The following PTAFR variants were observed in gnomAD, a reference collection of about 807,000 sequenced individuals.
The protein encoded by PTAFR is platelet-activating factor receptor.
A neutral mutation model predicts 14.7 loss-of-function variants in PTAFR; 8 were observed. That is an observed-to-expected ratio of 0.54 (90% CI 0.32 to 0.98). The LOEUF (loss-of-function observed/expected upper bound fraction) is 0.98. PTAFR is among the 50% of genes least tolerant of loss of function. PTAFR has a pLI of 0.04. For missense variants in PTAFR, 337 were observed against 451.2 expected (o/e 0.75, Z 2.29); for synonymous variants, 156 against 176.5 (o/e 0.88, Z 0.92).
chr1:28,183,023 GT>G (rs1024354391), intron 1 of PTAFR, among the ~76,000 whole-genome samples: 1 of 151,142 alleles, frequency 6.6e-6, no homozygotes, highest in African/African-American at 2.4e-5. Flanking sequence ...TTTGCTGTTT[GT>G]TTTTTAAAGA....
chr1:28,175,349 A>G (rs1204440340), intron 1 of PTAFR, among the ~76,000 whole-genome samples: 2 of 152,116 alleles, frequency 1.3e-5, no homozygotes, highest in South Asian at 2.1e-4. Flanking sequence ...CCAGTCATCT[A>G]AGGGGCTGAA....
chr1:28,154,334 G>C (rs962535796), intron 1 of PTAFR, among the ~76,000 whole-genome samples: 3 of 152,164 alleles, frequency 2.0e-5, no homozygotes, highest in African/African-American at 4.8e-5. Flanking sequence ...ATCCAGCTCT[G>C]TTCTTTCACA....
At chr1:28,185,839 A>T (rs1646601881) in intron 1 of PTAFR, among the ~76,000 whole-genome samples, 1 of 152,230 alleles carries the variant, frequency 6.6e-6, no homozygotes, top group Non-Finnish European at 1.5e-5. Context: ...AGATTTCTGG[A>T]TATAAAACCA....
At chr1:28,189,126 T>G (rs1229409313) in intron 1 of PTAFR, among the ~76,000 whole-genome samples, 1 of 152,268 alleles carries the variant, frequency 6.6e-6, no homozygotes, top group Admixed American at 6.5e-5. Context: ...TGCCAGATGT[T>G]GTGCCAATTA....
At chr1:28,174,493 T>C (rs1646490879) in intron 1 of PTAFR, among the ~76,000 whole-genome samples, 1 of 152,190 alleles carries the variant, frequency 6.6e-6, no homozygotes, top group African/African-American at 2.4e-5. Context: ...TGTAGGCACA[T>C]TTTGTCACTG....
At chr1:28,167,540 T>C (rs1200770491) in intron 1 of PTAFR, among the ~76,000 whole-genome samples, 4 of 149,796 alleles carry the variant, frequency 2.7e-5, no homozygotes, top group Admixed American at 6.7e-5. Flanking sequence ...GAAAAGAGTA[T>C]AGAAGCTCCT....
chr1:28,184,693 T>C (rs551298166), intron 1 of PTAFR, among the ~76,000 whole-genome samples: 1 of 151,834 alleles, frequency 6.6e-6, no homozygotes, highest in South Asian at 2.1e-4. Flanking sequence ...AGGCTGGAGT[T>C]CAGTAGTGCA....
At chr1:28,184,737 TC>T (rs746228452) in intron 1 of PTAFR, among the ~76,000 whole-genome samples, 1 of 152,162 alleles carries the variant, frequency 6.6e-6, no homozygotes, top group Non-Finnish European at 1.5e-5. Context: ...CTTCCTGAGT[TC>T]CAGCGATTCT....
intron 1 of PTAFR, among the ~76,000 whole-genome samples, chr1:28,152,549 C>G (rs1207567486): frequency 6.6e-6 from 1 of 152,046 alleles, no homozygotes; most frequent in African/African-American, 2.4e-5. Flanking sequence ...TCGAGACCAG[C>G]CTGGCCAACA....
intron 1 of PTAFR, among the ~76,000 whole-genome samples, chr1:28,153,579 T>TA (rs1267430148): frequency 1.6e-5 from 1 of 64,192 alleles, no homozygotes; most frequent in African/African-American, 7.4e-5. Flanking sequence ...ACCCTGTCTC[T>TA]ACAAAAAAAA....
chr1:28,183,559 T>C (rs1288088817), intron 1 of PTAFR, among the ~76,000 whole-genome samples: 1 of 152,040 alleles, frequency 6.6e-6, no homozygotes, highest in Non-Finnish European at 1.5e-5. Context: ...GCCCAGCAGG[T>C]TGAGGGTGCA....
intron 1 of PTAFR, among the ~76,000 whole-genome samples, chr1:28,190,177 G>A (rs922278635): frequency 1.3e-5 from 2 of 150,718 alleles, no homozygotes; most frequent in African/African-American, 4.9e-5. Flanking sequence ...TCTCCATGTT[G>A]GTCACGCTGG....
chr1:28,150,540 A>C lies in PTAFR; in HGVS notation c.482T>G (p.Val161Gly), dbSNP rs768734431. 3.1e-6 allele frequency: 5 copies of C among 1,614,070 alleles called. No homozygotes were observed. The South Asian group carries it at 5.5e-5, about 18-fold the overall frequency. ...YFLILDSTNT[V>G]PDSAGSGNVT... ...GTTGCCTGAGCCAGCACTGTCGGGC[A>C]CTGTGTTGGTGGAGTCCAGGATGAG... Residue 161 changes from valine (V) to glycine (G), a missense_variant, in exon 2 of 2, where the codon GTG becomes GGG. Physicochemically the swap from Val to Gly is moderately radical, Grantham distance 109 (BLOSUM62 -3). Transcript: ENST00000373857. The surrounding 1 kb of genome is among the most constrained non-coding windows in gnomAD (Gnocchi z 6.3).
Position 28,147,705 on chromosome 1 carries a change from A to G in PTAFR, c.*2288T>C, listed in dbSNP as rs1572024309. 6.6e-6 allele frequency: 1 copy of G among 152,178 alleles called. No homozygotes were observed. Among genetic ancestry groups the G allele is most frequent in the African/African-American group, 2.4e-5 (1 of 41,424 alleles). The allele number at this position is 152,178 out of a possible 1,614,324, so 9.4% of individuals were successfully genotyped here. ...ACCTCTCATCCTTTCAGCTCCCATC[A>G]GAGGATCAAGGGGCCCAAATTCGCA... On this transcript the variant is annotated 3_prime_UTR_variant, in exon 2 of 2. Transcript: ENST00000373857.
intron 1 of PTAFR, among the ~76,000 whole-genome samples, chr1:28,165,262 G>T (rs980565227): frequency 2.0e-5 from 3 of 151,330 alleles, no homozygotes; most frequent in Non-Finnish European, 4.4e-5. Context: ...AAAATTAGCT[G>T]GGCGTGGTGG....
upstream of PTAFR, among the ~76,000 whole-genome samples, chr1:28,180,847 AAG>A (rs1163685206): frequency 2.6e-5 from 4 of 152,276 alleles, no homozygotes; most frequent in South Asian, 2.1e-4. Flanking sequence ...AGTAAAGAAA[AAG>A]AGAAGAAATA....
At chr1:28,168,620 G>T (rs940792510) in intron 1 of PTAFR, among the ~76,000 whole-genome samples, 9 of 152,122 alleles carry the variant, frequency 5.9e-5, no homozygotes, top group Non-Finnish European at 1.3e-4. Flanking sequence ...GGAAAATAGA[G>T]AGATGTTCAA....
chr1:28,192,704 TG>T (rs1241368089), intron 1 of PTAFR, among the ~76,000 whole-genome samples: 1 of 151,502 alleles, frequency 6.6e-6, no homozygotes, highest in African/African-American at 2.4e-5. Context: ...TGGAGTGCAG[TG>T]GTGGGATCTC....
chr1:28,184,082 GTTTTTTTTTTTTT>G (rs1165813776), intron 1 of PTAFR, among the ~76,000 whole-genome samples: 18 of 82,416 alleles, frequency 2.2e-4, no homozygotes, highest in African/African-American at 7.9e-4. Flanking sequence ...CCATTAGTCT[GTTTTTTTTTTTTT>G]TTTTTTTTTT....
Sources: allele counts gnomAD v4.1 joint callset (sites outside exome capture counted in the v4.1 genomes callset), GRCh38; gene constraint gnomAD v4.1.1; non-coding constraint Gnocchi (gnomAD v3.1); transcripts MANE v1.5; gene names NCBI Gene and HGNC (gene_info 2026-07-23, HGNC 2026-07-21).